GALNTL6: variants seen among roughly 807,000 people sequenced by gnomAD.
GALNTL6 encodes polypeptide N-acetylgalactosaminyltransferase like 6.
A neutral mutation model predicts 73.7 loss-of-function variants in GALNTL6; 46 were observed. That is an observed-to-expected ratio of 0.62 (90% CI 0.49 to 0.80). The LOEUF is 0.80. GALNTL6 is among the 30% of genes least tolerant of loss of function. The pLI, the probability that GALNTL6 is intolerant of heterozygous loss-of-function variation, is 0.00. For synonymous variants in GALNTL6, 259 were observed against 263.7 expected (o/e 0.98, Z 0.17); for missense variants, 604 against 755.0 (o/e 0.80, Z 2.34).
chr4:172,643,143 T>C (rs949331725), intron 5 of GALNTL6, among the ~76,000 whole-genome samples: 3 of 151,900 alleles, frequency 2.0e-5, no homozygotes, highest in Non-Finnish European at 4.4e-5. Context: ...TATACATTCA[T>C]TGGGAGTCTT....
intron 5 of GALNTL6, among the ~76,000 whole-genome samples, chr4:172,700,047 A>C (rs1314722116): frequency 6.6e-6 from 1 of 152,184 alleles, no homozygotes; most frequent in Non-Finnish European, 1.5e-5. Flanking sequence ...GATTTATCAA[A>C]AATTAGAGAA....
At chr4:172,389,133 G>T (rs1184368554) in intron 5 of GALNTL6, among the ~76,000 whole-genome samples, 2 of 151,774 alleles carry the variant, frequency 1.3e-5, no homozygotes, top group Non-Finnish European at 2.9e-5. Context: ...AAATTCTTTA[G>T]GATTGTATGG....
intron 7 of GALNTL6, among the ~76,000 whole-genome samples, chr4:172,860,749 A>T (rs1744352534): frequency 6.6e-6 from 1 of 152,208 alleles, no homozygotes; most frequent in Non-Finnish European, 1.5e-5. Context: ...AATTGTTACT[A>T]AAATGTAGCA....
At chr4:172,348,171 ATT>A (rs1741818818) in intron 4 of GALNTL6, among the ~76,000 whole-genome samples, 2 of 152,222 alleles carry the variant, frequency 1.3e-5, no homozygotes, top group African/African-American at 2.4e-5. Context: ...CTAAACCTTA[ATT>A]ATGTGCTCCA....
chr4:172,812,009 AATGG>A (rs71910847), intron 6 of GALNTL6, among the ~76,000 whole-genome samples: 39,516 of 148,042 alleles, frequency 0.27, 5,676 homozygotes, highest in East Asian at 0.39. Context: ...TGGATGGATA[AATGG>A]ATGGATGGAT....
chr4:171,934,603 A>G (rs1012870380), intron 2 of GALNTL6, among the ~76,000 whole-genome samples: 2 of 151,946 alleles, frequency 1.3e-5, no homozygotes, highest in Non-Finnish European at 1.5e-5. Flanking sequence ...TTTTGTAGAG[A>G]CAGGGTTATA....
At chr4:172,965,630 A>ACCC (rs748751557) in intron 10 of GALNTL6, among the ~76,000 whole-genome samples, 2 of 151,712 alleles carry the variant, frequency 1.3e-5, no homozygotes, top group Admixed American at 6.6e-5. Context: ...AAAAAAAAAA[A>ACCC]ACAATTTTAA....
chr4:171,814,570 T>C lies in GALNTL6; in HGVS notation c.-11T>C, dbSNP rs757790814. ...ATCTCCTTTAACTTTTCTTCTCTGT[T>C]ACCATTTGCAATGAAGAGGAAACAG... On this transcript the variant is annotated 5_prime_UTR_variant, in exon 2 of 13. Coordinates refer to ENST00000506823, the MANE Select transcript of GALNTL6 (RefSeq NM_001034845.3). 1.9e-6 allele frequency: 3 copies of C among 1,613,806 alleles called. No individual in the cohort carries two copies.
intron 2 of GALNTL6, among the ~76,000 whole-genome samples, chr4:171,909,338 G>T (rs1406455939): frequency 1.3e-5 from 2 of 152,046 alleles, no homozygotes. Flanking sequence ...AGCCATAGAT[G>T]ATCCAGGGTT....
intron 5 of GALNTL6, among the ~76,000 whole-genome samples, chr4:172,737,359 T>C (rs1175758847): frequency 1.3e-5 from 2 of 152,154 alleles, no homozygotes; most frequent in East Asian, 3.8e-4. Flanking sequence ...AGCAGGTCTT[T>C]GAACTCACTG....
At chr4:172,573,429 C>T (rs903271602) in intron 5 of GALNTL6, among the ~76,000 whole-genome samples, 10 of 151,974 alleles carry the variant, frequency 6.6e-5, no homozygotes, top group Non-Finnish European at 1.0e-4. Flanking sequence ...TTCAATTAGG[C>T]GTTTAAAAAA....
intron 5 of GALNTL6, among the ~76,000 whole-genome samples, chr4:172,734,094 T>G (rs1420110520): frequency 6.6e-6 from 1 of 152,210 alleles, no homozygotes; most frequent in Non-Finnish European, 1.5e-5. Flanking sequence ...TAAAGGTCAC[T>G]CTTGCTATGC....
chr4:172,640,820 C>T (rs147086183), intron 5 of GALNTL6, among the ~76,000 whole-genome samples: 2 of 152,184 alleles, frequency 1.3e-5, no homozygotes, highest in African/African-American at 2.4e-5. Flanking sequence ...GGGGAAGACA[C>T]AATTCAGGCA....
At chr4:172,334,444 C>T (rs184441954) in intron 4 of GALNTL6, among the ~76,000 whole-genome samples, 6 of 152,000 alleles carry the variant, frequency 3.9e-5, no homozygotes, top group Admixed American at 2.0e-4. Flanking sequence ...TGTAATTTTG[C>T]TTGTAGAGAT....
chr4:171,890,199 C>T (rs180713252), intron 2 of GALNTL6, among the ~76,000 whole-genome samples: 2 of 152,046 alleles, frequency 1.3e-5, no homozygotes, highest in South Asian at 2.1e-4. Flanking sequence ...CAGGCTTTCT[C>T]TATATGTATA....
rs879753782 is a variant in GALNTL6, at chr4:172,589,767, TACA to T, written c.554-219590_554-219588del. On this transcript the variant is annotated intron_variant, in intron 5 of 12. Transcript: ENST00000506823. ...CAGTCACTTTAAATGAATGGCATAG[TACA>T]ACATTATGTGTCCTGTTCTGTTTTA... Among the ~76,000 whole-genome samples the T allele has an allele frequency of 3.4e-4, 52 of 152,356 alleles. 1 individual carries two copies. Among genetic ancestry groups the T allele is most frequent in the Non-Finnish European group, 4.7e-4 (32 of 68,030 alleles).
intron 5 of GALNTL6, among the ~76,000 whole-genome samples, chr4:172,481,296 G>A (rs1431595335): frequency 6.6e-6 from 1 of 151,274 alleles, no homozygotes; most frequent in African/African-American, 2.4e-5. Context: ...CCTCAGGAGT[G>A]AAGCTGCAGA....
intron 2 of GALNTL6, among the ~76,000 whole-genome samples, chr4:171,943,278 G>T (rs941289244): frequency 6.6e-6 from 1 of 152,156 alleles, no homozygotes; most frequent in African/African-American, 2.4e-5. Flanking sequence ...TCATCTGTGA[G>T]CAAGGTTTAG....
intron 7 of GALNTL6, among the ~76,000 whole-genome samples, chr4:172,877,524 G>C (rs1745251147): frequency 6.6e-6 from 1 of 151,588 alleles, no homozygotes; most frequent in East Asian, 1.9e-4. Context: ...AATAAAGAAT[G>C]GTTTTAGTAC....
Sources: gnomAD v4.1 joint callset for allele counts (sites outside exome capture counted in the v4.1 genomes callset) on GRCh38, gnomAD v4.1.1 for gene constraint, MANE v1.5 for transcripts, NCBI Gene and HGNC (gene_info 2026-07-23, HGNC 2026-07-21) for gene names.